Variants in PTPRD observed in about 807,000 individuals in gnomAD.
The protein encoded by PTPRD is protein tyrosine phosphatase receptor type D.
A neutral mutation model predicts 214.5 loss-of-function variants in PTPRD; 34 were observed. The ratio of observed to expected loss-of-function variants is 0.16; its 90% CI spans 0.12 to 0.21. The LOEUF is 0.21. Ranked by LOEUF, PTPRD falls within the 10% of genes least tolerant of loss-of-function variation. PTPRD has a pLI of 1.00. For missense variants in PTPRD, 2,545 were observed against 2,398.7 expected, an observed-to-expected ratio of 1.06 and a Z score of -1.27; for synonymous variants, 1,128 against 845.7, an observed-to-expected ratio of 1.33 and a Z score of -5.79.
intron 9 of PTPRD, among the ~76,000 whole-genome samples, chr9:9,253,038 A>G (rs1195476962): frequency 6.6e-6 from 1 of 152,126 alleles, no homozygotes; most frequent in East Asian, 1.9e-4. Flanking sequence ...TTTAATGGAA[A>G]AGTAGAATAA....
intron 35 of PTPRD, among the ~76,000 whole-genome samples, chr9:8,419,525 C>G (rs1192447527): frequency 6.6e-6 from 1 of 151,972 alleles, no homozygotes; most frequent in East Asian, 1.9e-4. Flanking sequence ...AAATGGCACG[C>G]TCTACAAGAT....
intron 3 of PTPRD, among the ~76,000 whole-genome samples, chr9:10,048,541 T>C (rs906679887): frequency 1.3e-5 from 2 of 152,068 alleles, no homozygotes; most frequent in African/African-American, 4.8e-5. Context: ...ATATCTTTAA[T>C]CCCTACTCTT....
chr9:9,794,161 A>G (rs1031642540), intron 5 of PTPRD, among the ~76,000 whole-genome samples: 1 of 145,460 alleles, frequency 6.9e-6, no homozygotes, highest in East Asian at 1.9e-4. Flanking sequence ...ATGTACATGT[A>G]TATATATATA....
intron 2 of PTPRD, among the ~76,000 whole-genome samples, chr9:10,389,805 T>A (rs2098017435): frequency 6.6e-6 from 1 of 151,892 alleles, no homozygotes; most frequent in Admixed American, 6.6e-5. Flanking sequence ...TTTCTCCATG[T>A]AATTTTAAAT....
chr9:9,726,396 G>A (rs2098091796), intron 7 of PTPRD, among the ~76,000 whole-genome samples: 1 of 152,152 alleles, frequency 6.6e-6, no homozygotes, highest in Non-Finnish European at 1.5e-5. Context: ...GTGGCCATAA[G>A]CAGGACAGTG....
At chr9:9,136,611 T>G (rs1417178943) in intron 10 of PTPRD, among the ~76,000 whole-genome samples, 1 of 152,194 alleles carries the variant, frequency 6.6e-6, no homozygotes, top group Non-Finnish European at 1.5e-5. Context: ...TAATTCTCTT[T>G]TAGTAAAACA....
intron 14 of PTPRD, among the ~76,000 whole-genome samples, chr9:8,621,460 T>C (rs1037744150): frequency 2.6e-5 from 4 of 152,120 alleles, no homozygotes; most frequent in African/African-American, 7.2e-5. Context: ...TAAGAAAAGA[T>C]TGGCTCAAAC....
chr9:9,588,676 T>G (rs1285822782), intron 7 of PTPRD, among the ~76,000 whole-genome samples: 1 of 151,994 alleles, frequency 6.6e-6, no homozygotes, highest in African/African-American at 2.4e-5. Flanking sequence ...GGTTGGCAAT[T>G]ATATTACTTC....
intron 2 of PTPRD, among the ~76,000 whole-genome samples, chr9:10,514,017 T>A (rs527665325): frequency 6.6e-6 from 1 of 152,308 alleles, no homozygotes; most frequent in South Asian, 2.1e-4. Context: ...CCCTTATGTG[T>A]AAGCTTTGTA....
chr9:9,904,872 A>C (rs781567836), intron 5 of PTPRD, among the ~76,000 whole-genome samples: 1 of 152,070 alleles, frequency 6.6e-6, no homozygotes, highest in Non-Finnish European at 1.5e-5. Flanking sequence ...GCCTTGGTGA[A>C]ATAACGAAGT....
intron 5 of PTPRD, among the ~76,000 whole-genome samples, chr9:9,927,947 G>C (rs2084930838): frequency 6.6e-6 from 1 of 151,816 alleles, no homozygotes; most frequent in Non-Finnish European, 1.5e-5. Flanking sequence ...ATATTGTTTG[G>C]AAGCCTAAGT....
chr9:9,069,541 C>A (rs1044136932), intron 10 of PTPRD, among the ~76,000 whole-genome samples: 2 of 152,208 alleles, frequency 1.3e-5, no homozygotes, highest in African/African-American at 4.8e-5. Context: ...ATGATGCTAC[C>A]TTAACTGTTC....
intron 35 of PTPRD, among the ~76,000 whole-genome samples, chr9:8,414,784 T>G (rs1419368212): frequency 6.6e-6 from 1 of 151,180 alleles, no homozygotes; most frequent in Non-Finnish European, 1.5e-5. Context: ...CATATTCACA[T>G]CTATATCTAG....
intron 10 of PTPRD, among the ~76,000 whole-genome samples, chr9:9,120,162 A>C (rs1046720146): frequency 6.6e-6 from 1 of 152,262 alleles, no homozygotes; most frequent in African/African-American, 2.4e-5. Flanking sequence ...CACAGTGCAC[A>C]TTGGCATCTT....
At chr9:10,366,811 A>G (rs1459878735) in intron 2 of PTPRD, among the ~76,000 whole-genome samples, 2 of 152,150 alleles carry the variant, frequency 1.3e-5, no homozygotes, top group East Asian at 1.9e-4. Context: ...AAAAAAACTC[A>G]TAATTCTCCT....
chr9:10,350,450 T>C (rs1220364387), intron 2 of PTPRD, among the ~76,000 whole-genome samples: 1 of 152,108 alleles, frequency 6.6e-6, no homozygotes, highest in Non-Finnish European at 1.5e-5. Context: ...ATTAATAGTA[T>C]ACAATTATTT....
intron 8 of PTPRD, among the ~76,000 whole-genome samples, chr9:9,500,176 A>C (rs2096360021): frequency 6.6e-6 from 1 of 152,100 alleles, no homozygotes; most frequent in Non-Finnish European, 1.5e-5. Context: ...TTTTATGAAA[A>C]GTAATAAAAC....
chr9:8,521,232 G>T (rs752119338), intron 20 of PTPRD, 45 bp downstream of exon 20: 24 of 1,564,904 alleles, frequency 1.5e-5, no homozygotes, highest in Non-Finnish European at 2.1e-5. Flanking sequence ...TAGTCACTTG[G>T]CTTGAGTGTA....
chr9:9,866,715 G>A (rs1216023852), intron 5 of PTPRD, among the ~76,000 whole-genome samples: 3 of 151,924 alleles, frequency 2.0e-5, no homozygotes, highest in East Asian at 1.9e-4. Flanking sequence ...TTGTGAATAC[G>A]CCCTTGTGGA....
Sources: allele counts gnomAD v4.1 joint callset (sites outside exome capture counted in the v4.1 genomes callset), GRCh38; gene constraint gnomAD v4.1.1; transcripts MANE v1.5; gene names NCBI Gene and HGNC (gene_info 2026-07-23, HGNC 2026-07-21).